The following STARD13 variants were observed in gnomAD, a reference collection of about 807,000 sequenced individuals.
STARD13 encodes the protein StAR related lipid transfer domain containing 13.
Under a neutral mutation model 106.4 loss-of-function variants are expected in STARD13, and 62 were observed. The ratio of observed to expected loss-of-function variants is 0.58; its 90% CI spans 0.48 to 0.72. The LOEUF is 0.72. STARD13 is among the 30% of genes least tolerant of loss of function. STARD13 has a pLI of 0.00. For synonymous variants in STARD13, 565 were observed against 553.0 expected, an observed-to-expected ratio of 1.02 and a Z score of -0.31; for missense variants, 1,387 against 1,424.0, an observed-to-expected ratio of 0.97 and a Z score of 0.42.
the STARD13 span, among the ~76,000 whole-genome samples, chr13:33,665,105 A>C: frequency 6.6e-6 from 1 of 152,236 alleles, no homozygotes; most frequent in Non-Finnish European, 1.5e-5. Context: ...GGGGCCTGTC[A>C]AGGAAGCATC....
At position 33,305,599 on chromosome 13, in the gene STARD13, C is replaced by G. The variant is rs1892875862; in HGVS notation, c.124+44691G>C. ...AGCAATTATAATACCCTCTGTAAGT[C>G]TTAAGACATATTAAAGCACAGGGTT... On this transcript the variant is annotated intron_variant, in intron 1 of 5. Transcript: ENST00000567873. Among the ~76,000 whole-genome samples the G allele has an allele frequency of 2.0e-5, 3 of 152,310 alleles. No individual in the cohort carries two copies. The South Asian group carries it at 6.2e-4, about 32-fold the overall frequency.
the STARD13 span, chr13:33,359,735 A>G: frequency 1.3e-5 from 2 of 152,570 alleles, no homozygotes; most frequent in African/African-American, 2.4e-5. Context: ...AGGCCATAGT[A>G]TAATGGCCAA....
the STARD13 span, among the ~76,000 whole-genome samples, chr13:33,595,608 G>T: frequency 8.6e-3 from 1,303 of 152,148 alleles, 31 homozygotes; most frequent in East Asian, 0.05. Context: ...AGATACATGG[G>T]TTGTGCACAC....
At chr13:33,530,893 A>T in the STARD13 span, among the ~76,000 whole-genome samples, 2 of 152,216 alleles carry the variant, frequency 1.3e-5, no homozygotes, top group Admixed American at 1.3e-4. Context: ...ATAGGAAAGC[A>T]GAATACTTCA....
chr13:33,241,579 CTCTGATG>C (rs1889501154), intron 1 of STARD13, among the ~76,000 whole-genome samples: 1 of 149,708 alleles, frequency 6.7e-6, no homozygotes, highest in Admixed American at 6.6e-5. Context: ...CACGGTCTCC[CTCTGATG>C]CCGAGCCGAG....
chr13:33,289,877 G>A (rs1892225197), upstream of STARD13, among the ~76,000 whole-genome samples: 1 of 126,366 alleles, frequency 7.9e-6, no homozygotes, highest in African/African-American at 3.0e-5. Flanking sequence ...TGAATAAGCA[G>A]CTCAGCTTGA....
At chr13:33,604,934 T>A in the STARD13 span, among the ~76,000 whole-genome samples, 226 of 152,122 alleles carry the variant, frequency 1.5e-3, no homozygotes, top group African/African-American at 5.1e-3. Flanking sequence ...TACTCACAGA[T>A]CTTTGCCCAA....
At chr13:33,254,214 G>A (rs935770777) in intron 1 of STARD13, among the ~76,000 whole-genome samples, 1 of 152,308 alleles carries the variant, frequency 6.6e-6, no homozygotes. Flanking sequence ...CACAGCATGA[G>A]GTCAAGTCAG....
chr13:33,265,131 C>G (rs138883432), intron 1 of STARD13, among the ~76,000 whole-genome samples: 2 of 152,308 alleles, frequency 1.3e-5, no homozygotes, highest in African/African-American at 4.8e-5. Context: ...CTTCCTTACT[C>G]ATCTCATTTA....
Position 33,307,003 on chromosome 13 carries a change from A to G in STARD13, c.124+43287T>C, listed in dbSNP as rs139505714. Among the ~76,000 whole-genome samples, 1,319 of 152,294 alleles carry G rather than the reference A, an allele frequency of 8.7e-3. 13 individuals are homozygous for G. Among genetic ancestry groups the G allele is most frequent in the African/African-American group, 0.029 (1,220 of 41,558 alleles). On this transcript the variant is annotated intron_variant, in intron 1 of 5. Transcript: ENST00000567873. ...AGAAAAAAGTGGGCAAAGGACATGAACAGACATTTCTCAAAAGAAGACATT... is the reference window on the plus strand; with the variant it reads ...AGAAAAAAGTGGGCAAAGGACATGAGCAGACATTTCTCAAAAGAAGACATT...
intron 1 of STARD13, among the ~76,000 whole-genome samples, chr13:33,261,468 A>G (rs1890637732): frequency 6.6e-6 from 1 of 152,230 alleles, no homozygotes; most frequent in Non-Finnish European, 1.5e-5. Flanking sequence ...ACCCACTCAT[A>G]TCATTTATAG....
chr13:33,511,708 AC>A, the STARD13 span, among the ~76,000 whole-genome samples: 2 of 152,166 alleles, frequency 1.3e-5, no homozygotes, highest in Non-Finnish European at 2.9e-5. Context: ...AGAGTCAAGT[AC>A]AAAACTGGTC....
the STARD13 span, among the ~76,000 whole-genome samples, chr13:33,480,890 C>T: frequency 4.1e-4 from 62 of 152,072 alleles, 1 homozygote; most frequent in African/African-American, 1.2e-3. Context: ...ATGTAAAATC[C>T]GGGAAGCTAT....
At chr13:33,646,436 T>C in the STARD13 span, among the ~76,000 whole-genome samples, 1 of 152,208 alleles carries the variant, frequency 6.6e-6, no homozygotes, top group African/African-American at 2.4e-5. Context: ...GGGTTCAGTA[T>C]AGAGGAATAC....
Position 33,130,491 on chromosome 13 carries a change from G to C in STARD13, c.388-202C>G, listed in dbSNP as rs566108077. ...TACATACCCTTCCTCCCAGTGGCCA[G>C]AGGACCCTTCTCAACTTGCCAAACT... On this transcript the variant is annotated intron_variant, in intron 4 of 13. Coordinates refer to ENST00000336934, the MANE Select transcript of STARD13 (RefSeq NM_178006.4). This position sits in a 1 kb window ranked among gnomAD's most constrained non-coding sequence, Gnocchi z 4.1. Among the ~76,000 whole-genome samples the C allele has an allele frequency of 2.4e-4, 36 of 152,270 alleles. No individual in the cohort carries two copies. The South Asian group carries it at 5.0e-3, about 21-fold the overall frequency.
the STARD13 span, among the ~76,000 whole-genome samples, chr13:33,668,059 T>C: frequency 1.3e-5 from 2 of 152,258 alleles, no homozygotes; most frequent in African/African-American, 4.8e-5. Flanking sequence ...CTTTCCTTTT[T>C]CTGTCCATAG....
chr13:33,524,152 G>T, the STARD13 span: 1 of 631,406 alleles, frequency 1.6e-6, no homozygotes, highest in Non-Finnish European at 2.1e-6. Context: ...TGTGAACACA[G>T]TGCTGTTTTT....
the STARD13 span, among the ~76,000 whole-genome samples, chr13:33,399,661 A>G: frequency 5.0e-5 from 7 of 139,160 alleles, no homozygotes; most frequent in Non-Finnish European, 7.6e-5. Context: ...AGACTTCACC[A>G]CTGCACTCCA....
chr13:33,128,037 G>C (rs547852486), intron 5 of STARD13, among the ~76,000 whole-genome samples: 13 of 152,146 alleles, frequency 8.5e-5, no homozygotes, highest in African/African-American at 2.7e-4. Flanking sequence ...GAGACAAAAA[G>C]AGATACAGAG....
Sources: allele counts gnomAD v4.1 joint callset (sites outside exome capture counted in the v4.1 genomes callset), GRCh38; gene constraint gnomAD v4.1.1; non-coding constraint Gnocchi (gnomAD v3.1); transcripts MANE v1.5; gene names NCBI Gene and HGNC (gene_info 2026-07-23, HGNC 2026-07-21).